CACNA2D3: variants seen among roughly 807,000 people sequenced by gnomAD.
CACNA2D3 encodes the protein calcium voltage-gated channel auxiliary subunit alpha2delta 3, also known as voltage-dependent calcium channel subunit alpha-2/delta-3.
Under a neutral mutation model 160.6 loss-of-function variants are expected in CACNA2D3, and 60 were observed. The observed-to-expected ratio is 0.37, with a 90% CI of 0.30 to 0.46. The LOEUF (loss-of-function observed/expected upper bound fraction) is 0.46. Ranked by LOEUF, CACNA2D3 falls within the 20% of genes least tolerant of loss-of-function variation. CACNA2D3 has a pLI of 1.00. For synonymous variants in CACNA2D3, 558 were observed against 492.9 expected, an observed-to-expected ratio of 1.13 and a Z score of -1.75; for missense variants, 1,205 against 1,365.0, an observed-to-expected ratio of 0.88 and a Z score of 1.85.
At chr3:54,764,435 C>T in intron 13 of CACNA2D3, 84 bp downstream of exon 13, 1 of 1,514,276 alleles carries the variant, frequency 6.6e-7, no homozygotes, top group Non-Finnish European at 9.1e-7. Context: ...GCAACTGTAT[C>T]ACTCTTATTT....
At position 55,074,291 on chromosome 3, in the gene CACNA2D3, A is replaced by AACAT. The variant is rs3830517; in HGVS notation, c.*88_*91dup. ...TAAACTGTGAACCAAAATATGGTGC[A>AACAT]ACATACGAGACATGAATATAGTCCA... On this transcript the variant is annotated 3_prime_UTR_variant, in exon 38 of 38. Coordinates refer to ENST00000474759, the MANE Select transcript of CACNA2D3 (RefSeq NM_018398.3). The AACAT allele has an allele frequency of 6.8e-5, 71 of 1,043,380 alleles. No individual in the cohort carries two copies. In the East Asian group the frequency reaches 1.6e-3, roughly 24 times the overall value. 64.6% of individuals were successfully genotyped at this position (1,043,380 alleles called of 1,614,324 possible).
intron 27 of CACNA2D3, chr3:54,918,118 G>T (rs1526586): frequency 0.65 from 124,428 of 192,490 alleles, 41,218 homozygotes; most frequent in East Asian, 0.86. Flanking sequence ...TGAATTTCTG[G>T]TGCTTTGTAA....
At position 54,691,502 on chromosome 3, in the gene CACNA2D3, T is replaced by C. The variant is rs547077868; in HGVS notation, c.1167+49261T>C. Among the ~76,000 whole-genome samples, 3 of 152,316 alleles carry C rather than the reference T, an allele frequency of 2.0e-5. No homozygotes were observed. In the South Asian group the frequency reaches 6.2e-4, roughly 32 times the overall value. On this transcript the variant is annotated intron_variant, in intron 11 of 37. Coordinates refer to ENST00000474759, the MANE Select transcript of CACNA2D3 (RefSeq NM_018398.3). ...GAGGAGAGAAAGAGAGGGGCAGTGA[T>C]GGAAGACTGACTGTATTTAAATCAC... is the stretch of plus-strand genomic sequence containing the variant.
chr3:54,292,691 A>T (rs1703239898), intron 2 of CACNA2D3, among the ~76,000 whole-genome samples: 1 of 152,222 alleles, frequency 6.6e-6, no homozygotes, highest in Admixed American at 6.5e-5. Context: ...GTTGGCAAGG[A>T]TGTGGAGGAA....
chr3:54,911,351 C>T (rs1189186502), intron 27 of CACNA2D3, among the ~76,000 whole-genome samples: 33 of 58,572 alleles, frequency 5.6e-4, no homozygotes, highest in Middle Eastern at 0.018. Flanking sequence ...TCTTTGTCGT[C>T]TTTTTTTTTT....
At chr3:54,913,823 G>C (rs1172702112) in intron 27 of CACNA2D3, among the ~76,000 whole-genome samples, 1 of 152,176 alleles carries the variant, frequency 6.6e-6, no homozygotes, top group Non-Finnish European at 1.5e-5. Context: ...GTGTGACGTT[G>C]AGCAAATGAC....
chr3:54,727,856 A>C (rs1701307273), intron 11 of CACNA2D3, among the ~76,000 whole-genome samples: 1 of 152,180 alleles, frequency 6.6e-6, no homozygotes, highest in Admixed American at 6.5e-5. Flanking sequence ...ATGTATAGCT[A>C]TGTAACAAAA....
intron 4 of CACNA2D3, among the ~76,000 whole-genome samples, chr3:54,412,626 T>G (rs13082754): frequency 7.6e-6 from 1 of 131,330 alleles, no homozygotes; most frequent in Non-Finnish European, 1.6e-5. Context: ...TTTTTTAGTC[T>G]GACAACCTCT....
chr3:54,485,171 G>GCCCACCTAGGTAGATAAT, intron 4 of CACNA2D3, among the ~76,000 whole-genome samples: 1 of 152,132 alleles, frequency 6.6e-6, no homozygotes, highest in African/African-American at 2.4e-5. Flanking sequence ...TTTAAATACA[G>GCCCACCTAGGTAGATAAT]TTTACTACTA....
intron 2 of CACNA2D3, among the ~76,000 whole-genome samples, chr3:54,174,611 G>A (rs1260383880): frequency 2.6e-5 from 4 of 152,066 alleles, no homozygotes; most frequent in African/African-American, 7.2e-5. Context: ...TGAAAGCTCC[G>A]CCTCCCGGGT....
At chr3:54,457,823 A>G (rs1700427325) in intron 4 of CACNA2D3, among the ~76,000 whole-genome samples, 1 of 152,048 alleles carries the variant, frequency 6.6e-6, no homozygotes. Context: ...TCCCTTTGTC[A>G]TTACATAATG....
In CACNA2D3 at chr3:55,011,801, A is replaced by G. The variant is rs151284633; in HGVS notation, c.2875+2358A>G. 8.5e-5 allele frequency among the ~76,000 whole-genome samples: 13 copies of G among 152,300 alleles called. No individual in the cohort carries two copies. The East Asian group carries it at 2.5e-3, about 29-fold the overall frequency. ...TGTAGTGTCAACTTGCTTTTGTTAA[A>G]ATTGCACATGATTTGAAAAAAGAAA... On this transcript the variant is annotated intron_variant, in intron 34 of 37. Coordinates refer to ENST00000474759, the MANE Select transcript of CACNA2D3 (RefSeq NM_018398.3).
chr3:55,028,555 C>G (rs1270840289), intron 35 of CACNA2D3, among the ~76,000 whole-genome samples: 1 of 152,136 alleles, frequency 6.6e-6, no homozygotes. Flanking sequence ...CAGTATGTTT[C>G]TTTCCTTCTT....
At chr3:54,656,221 G>A (rs1392397747) in intron 11 of CACNA2D3, among the ~76,000 whole-genome samples, 1 of 152,190 alleles carries the variant, frequency 6.6e-6, no homozygotes, top group African/African-American at 2.4e-5. Flanking sequence ...AATGTGTATG[G>A]CCTGATGATT....
intron 27 of CACNA2D3, among the ~76,000 whole-genome samples, chr3:54,919,465 G>A (rs4077115): frequency 0.06 from 9,168 of 152,242 alleles, 340 homozygotes; most frequent in Middle Eastern, 0.12. Flanking sequence ...CCTGGAATTC[G>A]GTACCATGAA....
chr3:54,976,836 C>T lies in CACNA2D3; in HGVS notation c.2556+6992C>T, dbSNP rs189103269. On this transcript the variant is annotated intron_variant, in intron 29 of 37. Transcript: ENST00000474759. Reference sequence around the variant, plus strand: ...TGGGAGTGGGAGGGAGCAGGGCAGACGCCTGAGAAGTGAGTCTTCTGATCT... The same window carrying T: ...TGGGAGTGGGAGGGAGCAGGGCAGATGCCTGAGAAGTGAGTCTTCTGATCT... 3.3e-3 allele frequency among the ~76,000 whole-genome samples: 503 copies of T among 152,228 alleles called. 1 individual carries two copies. Among genetic ancestry groups the T allele is most frequent in the African/African-American group, 0.011 (464 of 41,542 alleles).
chr3:54,923,851 T>A (rs949488978), intron 27 of CACNA2D3, among the ~76,000 whole-genome samples: 4 of 152,194 alleles, frequency 2.6e-5, no homozygotes, highest in Non-Finnish European at 5.9e-5. Context: ...CAAACTTTTC[T>A]GTAAAGGGCC....
At chr3:54,596,158 TC>T (rs1702950130) in intron 9 of CACNA2D3, among the ~76,000 whole-genome samples, 1 of 152,064 alleles carries the variant, frequency 6.6e-6, no homozygotes, top group Non-Finnish European at 1.5e-5. Flanking sequence ...TTTAGGTCCC[TC>T]CTTCAGTCTC....
chr3:54,911,751 C>T (rs1381885494), intron 27 of CACNA2D3, among the ~76,000 whole-genome samples: 1 of 152,110 alleles, frequency 6.6e-6, no homozygotes, highest in Non-Finnish European at 1.5e-5. Flanking sequence ...CCACAGAAAT[C>T]ATGTTAAAGA....
Sources: allele counts gnomAD v4.1 joint callset (sites outside exome capture counted in the v4.1 genomes callset), GRCh38; gene constraint gnomAD v4.1.1; transcripts MANE v1.5; gene names NCBI Gene and HGNC (gene_info 2026-07-23, HGNC 2026-07-21).